The following PDE3B variants were observed in gnomAD, a reference collection of about 807,000 sequenced individuals.
PDE3B encodes the protein phosphodiesterase 3B.
In PDE3B, 66 loss-of-function variants were observed where a neutral mutation model predicts 116.8. The observed-to-expected ratio is 0.56, with a 90% CI of 0.46 to 0.69. The LOEUF is 0.69. Among genes scored for constraint, PDE3B ranks in the 30% least tolerant of loss-of-function variants. The pLI is 0.00. For missense variants in PDE3B, 1,384 were observed against 1,368.1 expected, an observed-to-expected ratio of 1.01 and a Z score of -0.18; for synonymous variants, 595 against 533.6, an observed-to-expected ratio of 1.12 and a Z score of -1.59.
chr11:14,730,717 C>G (rs146548397), intron 1 of PDE3B, among the ~76,000 whole-genome samples: 1 of 152,162 alleles, frequency 6.6e-6, no homozygotes, highest in African/African-American at 2.4e-5. Flanking sequence ...ATCCCTTCTT[C>G]TGAAAGATAT....
At chr11:14,885,401 G>T in the PDE3B span, among the ~76,000 whole-genome samples, 2 of 152,104 alleles carry the variant, frequency 1.3e-5, no homozygotes, top group African/African-American at 4.8e-5. Flanking sequence ...AGTTCTGTAA[G>T]CTTATAAGTA....
intron 14 of PDE3B, among the ~76,000 whole-genome samples, chr11:14,861,614 A>G (rs1555007191): frequency 6.6e-6 from 1 of 152,196 alleles, no homozygotes; most frequent in African/African-American, 2.4e-5. Flanking sequence ...GTCTACAGGT[A>G]AGGCTGTTAG....
chr11:14,712,171 C>T (rs1467516083), intron 1 of PDE3B, among the ~76,000 whole-genome samples: 1 of 152,164 alleles, frequency 6.6e-6, no homozygotes, highest in Non-Finnish European at 1.5e-5. Flanking sequence ...CTGTAACCTC[C>T]AACTCCTGGG....
chr11:14,786,426 T>C lies in PDE3B; in HGVS notation c.1030-11T>C, dbSNP rs1305880238. Reference sequence around the variant, plus strand: ...ACAAATGAATGAAAATTTCACTTTTTTTCTTTCTAGAATTCTGGAGGTGGA... The same window carrying C: ...ACAAATGAATGAAAATTTCACTTTTCTTCTTTCTAGAATTCTGGAGGTGGA... On this transcript the variant is annotated splice_polypyrimidine_tract_variant and intron_variant, in intron 2 of 15. Coordinates refer to ENST00000282096, the MANE Select transcript of PDE3B (RefSeq NM_000922.4). The C allele has an allele frequency of 6.2e-7, 1 of 1,605,934 alleles. No individual in the cohort carries two copies. The highest frequency in any genetic ancestry group is 1.7e-5 in the Admixed American group (1 of 59,272).
In PDE3B at chr11:14,781,340, G is replaced by A. The variant is rs540673869; in HGVS notation, c.1030-5097G>A. Among the ~76,000 whole-genome samples the A allele has an allele frequency of 1.9e-4, 29 of 152,266 alleles. No individual in the cohort carries two copies. The South Asian group carries it at 5.8e-3, about 31-fold the overall frequency. ...AGGCCAGCAGCATCCTGATACCAAA[G>A]CCTGCCAGAGACACAACAAAAAATA... On this transcript the variant is annotated intron_variant, in intron 2 of 15. Transcript: ENST00000282096.
intron 1 of PDE3B, among the ~76,000 whole-genome samples, chr11:14,653,452 G>A (rs372795805): frequency 2.0e-5 from 3 of 151,688 alleles, no homozygotes; most frequent in Non-Finnish European, 4.4e-5. Context: ...AAACACATCC[G>A]CCCTCGGGAG....
rs766593559 is a variant in PDE3B at position 14,843,857 on chromosome 11, T to C, written c.2351T>C (p.Ile784Thr). ...DSDGRINHGR[I>T]AYISSKSCSN... ...GATGGTAGAATTAACCATGGGCGAA[T>C]TGCTTATATTTCTTCGAAGAGCTGC... Residue 784 changes from isoleucine to threonine, a missense_variant, in exon 12 of 16, where the codon ATT becomes ACT. Ile to Thr is a moderately conservative substitution (Grantham distance 89, BLOSUM62 -1). This residue lies in a region of PDE3B where 428 missense variants were observed against 561.4 expected (regional missense o/e 0.76). Transcript: ENST00000282096. 3.7e-6 allele frequency: 6 copies of C among 1,613,972 alleles called. No individual in the cohort carries two copies. The highest frequency in any genetic ancestry group is 5.1e-6 in the Non-Finnish European group (6 of 1,179,954).
At chr11:14,667,701 G>A (rs1240942797) in intron 1 of PDE3B, among the ~76,000 whole-genome samples, 2 of 151,460 alleles carry the variant, frequency 1.3e-5, no homozygotes, top group South Asian at 2.1e-4. Context: ...GGTTGGGGGA[G>A]GGTGGAGGGA....
At chr11:14,884,865 A>G in the PDE3B span, among the ~76,000 whole-genome samples, 120 of 152,056 alleles carry the variant, frequency 7.9e-4, no homozygotes, top group East Asian at 0.016. Flanking sequence ...CATTTTCATC[A>G]TCTTTTTAAA....
At chr11:14,769,216 G>A (rs987619794) in intron 1 of PDE3B, among the ~76,000 whole-genome samples, 1 of 151,238 alleles carries the variant, frequency 6.6e-6, no homozygotes, top group African/African-American at 2.4e-5. Context: ...TGAGGGAGAT[G>A]GTCTGTAATA....
chr11:14,669,898 A>G (rs1344463447), intron 1 of PDE3B, among the ~76,000 whole-genome samples: 1 of 152,168 alleles, frequency 6.6e-6, no homozygotes, highest in Non-Finnish European at 1.5e-5. Flanking sequence ...AAGAATAGGC[A>G]TAAAAATGAA....
the PDE3B span, chr11:14,878,241 T>TA: frequency 1.2e-6 from 2 of 1,613,160 alleles, no homozygotes; most frequent in East Asian, 2.2e-5. Context: ...AGCAATGCTG[T>TA]AAAAAACAAG....
intron 4 of PDE3B, among the ~76,000 whole-genome samples, chr11:14,796,149 G>T (rs569790289): frequency 6.6e-6 from 1 of 152,132 alleles, no homozygotes; most frequent in Non-Finnish European, 1.5e-5. Flanking sequence ...TCTTGTGATA[G>T]TTTGCTGAGA....
In PDE3B at chr11:14,701,100, C is replaced by T. The variant is rs575812970; in HGVS notation, c.978+56047C>T. On this transcript the variant is annotated intron_variant, in intron 1 of 15. Transcript: ENST00000282096. Reference sequence around the variant, plus strand: ...AATATTAATTCTGTAAAACATATAGCGCTTAATATTCCTCACATATGGAGC... The same window carrying T: ...AATATTAATTCTGTAAAACATATAGTGCTTAATATTCCTCACATATGGAGC... Among the ~76,000 whole-genome samples the T allele has an allele frequency of 1.4e-4, 21 of 151,642 alleles. No homozygotes were observed. The East Asian group carries it at 1.7e-3, about 13-fold the overall frequency.
At chr11:14,884,199 A>G in the PDE3B span, among the ~76,000 whole-genome samples, 3 of 152,020 alleles carry the variant, frequency 2.0e-5, no homozygotes, top group Non-Finnish European at 2.9e-5. Flanking sequence ...CCAAAGGACT[A>G]TAAATCATGC....
At chr11:14,890,569 C>T in the PDE3B span, 4 of 194,848 alleles carry the variant, frequency 2.1e-5, no homozygotes, top group East Asian at 3.9e-4. Context: ...TTTTTTGAGA[C>T]GGAGTCTGGC....
At chr11:14,850,871 C>T (rs1041091164) in intron 12 of PDE3B, among the ~76,000 whole-genome samples, 1 of 152,110 alleles carries the variant, frequency 6.6e-6, no homozygotes, top group Non-Finnish European at 1.5e-5. Flanking sequence ...CTCTGTCACC[C>T]AGGCTGGAGT....
chr11:14,844,393 T>C (rs112709267), intron 12 of PDE3B, among the ~76,000 whole-genome samples: 2 of 152,226 alleles, frequency 1.3e-5, no homozygotes, highest in Non-Finnish European at 2.9e-5. Context: ...GGTCTACAGC[T>C]CCCAGCGTGA....
intron 1 of PDE3B, among the ~76,000 whole-genome samples, chr11:14,692,909 G>GACAT (rs1366976899): frequency 6.6e-5 from 10 of 152,186 alleles, no homozygotes; most frequent in African/African-American, 2.4e-4. Flanking sequence ...GTGGAAAGCT[G>GACAT]ACATACACCA....
Sources: allele counts gnomAD v4.1 joint callset (sites outside exome capture counted in the v4.1 genomes callset), GRCh38; gene constraint gnomAD v4.1.1; regional missense constraint gnomAD v4.1.1; transcripts MANE v1.5; gene names NCBI Gene and HGNC (gene_info 2026-07-23, HGNC 2026-07-21).